EDARADD: variants seen among roughly 807,000 people sequenced by gnomAD.
EDARADD encodes the protein ectodysplasin-A receptor-associated adapter protein.
A neutral mutation model predicts 25.6 loss-of-function variants in EDARADD; 20 were observed. The ratio of observed to expected loss-of-function variants is 0.78; its 90% CI spans 0.55 to 1.14. The LOEUF (loss-of-function observed/expected upper bound fraction) is 1.14, where lower values mean the gene tolerates loss of function less well. EDARADD is among the 50% of genes most tolerant of loss of function. EDARADD has a pLI of 0.00. For synonymous variants in EDARADD, 86 were observed against 94.4 expected (o/e 0.91, Z 0.52); for missense variants, 225 against 270.1 (o/e 0.83, Z 1.17).
intron 4 of EDARADD, among the ~76,000 whole-genome samples, chr1:236,447,511 C>T (rs1028811050): frequency 5.3e-5 from 8 of 152,068 alleles, no homozygotes; most frequent in African/African-American, 1.2e-4. Context: ...CATGTCCTCC[C>T]GCCATCCTAC....
chr1:236,433,838 C>G (rs960305986), intron 4 of EDARADD, among the ~76,000 whole-genome samples: 2 of 151,634 alleles, frequency 1.3e-5, no homozygotes, highest in South Asian at 2.1e-4. Flanking sequence ...CCACTGCACT[C>G]CAGCCTAGGC....
intron 3 of EDARADD, among the ~76,000 whole-genome samples, chr1:236,361,967 AT>A (rs1233532311): frequency 6.6e-6 from 1 of 152,034 alleles, no homozygotes; most frequent in Admixed American, 6.6e-5. Context: ...TATGTTTAAC[AT>A]TTTAAGAAAT....
intron 4 of EDARADD, among the ~76,000 whole-genome samples, chr1:236,457,193 C>T (rs55861206): frequency 0.026 from 3,925 of 152,150 alleles, 118 homozygotes; most frequent in South Asian, 0.079. Context: ...GCTTTTAGAC[C>T]TAGACAAAAT....
intron 5 of EDARADD, among the ~76,000 whole-genome samples, chr1:236,475,713 G>A (rs1339305193): frequency 2.6e-5 from 4 of 151,580 alleles, no homozygotes; most frequent in Non-Finnish European, 5.9e-5. Context: ...GCAGTGAGTC[G>A]AGATCGCACC....
chr1:236,466,356 G>C (rs141370837), intron 4 of EDARADD, among the ~76,000 whole-genome samples: 3 of 151,804 alleles, frequency 2.0e-5, no homozygotes, highest in Admixed American at 2.0e-4. Context: ...ATTTCTATCC[G>C]TTCAGAGACT....
At chr1:236,438,646 C>A (rs982163184) in intron 4 of EDARADD, among the ~76,000 whole-genome samples, 2 of 152,100 alleles carry the variant, frequency 1.3e-5, no homozygotes, top group Non-Finnish European at 2.9e-5. Flanking sequence ...GCAAATCATC[C>A]GTAGTTGATT....
intron 1 of EDARADD, among the ~76,000 whole-genome samples, chr1:236,405,786 TTTCTTTTCTTTTTC>T (rs1667706649): frequency 2.3e-5 from 1 of 42,922 alleles, no homozygotes; most frequent in Non-Finnish European, 6.3e-5. Context: ...TCTTTCTTTC[TTTCTTTTCTTTTTC>T]TTTCTTTCTT....
In EDARADD at chr1:236,484,075, G is replaced by A. The variant is rs1300767291; in HGVS notation, c.*1426G>A. On this transcript the variant is annotated 3_prime_UTR_variant, in exon 6 of 6. Coordinates refer to ENST00000334232, the MANE Select transcript of EDARADD (RefSeq NM_145861.4). This position sits in a 1 kb window ranked among gnomAD's most constrained non-coding sequence, Gnocchi z 4.1. ...TTTGACCAGGATGACTGGGGAGCTT[G>A]GCAGAAGTTCACGGCCAGTGCAGGA... The A allele has an allele frequency of 8.9e-6, 14 of 1,578,494 alleles. No individual in the cohort carries two copies. The Admixed American group carries it at 2.3e-4, about 26-fold the overall frequency.
chr1:236,484,517 C>G lies in EDARADD; in HGVS notation c.*1868C>G. Reference sequence around the variant, plus strand: ...AGTCACCTGGTGGCTAATTAGACCCCTCCCCTTGTGTCAACTCCGGCAGCT... The same window carrying G: ...AGTCACCTGGTGGCTAATTAGACCCGTCCCCTTGTGTCAACTCCGGCAGCT... On this transcript the variant is annotated 3_prime_UTR_variant, in exon 6 of 6. Transcript: ENST00000334232. This position sits in a 1 kb window ranked among gnomAD's most constrained non-coding sequence, Gnocchi z 4.1. The G allele has an allele frequency of 6.7e-7, 1 of 1,489,916 alleles. No individual in the cohort carries two copies. Among genetic ancestry groups the G allele is most frequent in the Non-Finnish European group, 9.3e-7 (1 of 1,076,078 alleles). 92.3% of individuals were successfully genotyped at this position (1,489,916 alleles called of 1,614,324 possible). A position where few individuals can be genotyped will look rare whatever the true frequency, so the allele number is the denominator to read the frequency against.
At chr1:236,476,133 A>C (rs2103039212) in intron 5 of EDARADD, among the ~76,000 whole-genome samples, 1 of 152,282 alleles carries the variant, frequency 6.6e-6, no homozygotes, top group Admixed American at 6.5e-5. Flanking sequence ...CAGAGGTTGC[A>C]GTGAGACAAA....
intron 2 of EDARADD, among the ~76,000 whole-genome samples, chr1:236,410,469 A>C (rs2103008619): frequency 6.6e-6 from 1 of 152,224 alleles, no homozygotes; most frequent in East Asian, 1.9e-4. Flanking sequence ...CAACCTCCCA[A>C]GATCCTCCCA....
intron 4 of EDARADD, among the ~76,000 whole-genome samples, chr1:236,459,879 G>C (rs1300376517): frequency 6.6e-6 from 1 of 152,108 alleles, no homozygotes; most frequent in Non-Finnish European, 1.5e-5. Context: ...ATCCCAAAGT[G>C]CTGGGATTAC....
intron 4 of EDARADD, among the ~76,000 whole-genome samples, chr1:236,467,453 CACA>C (rs1659236281): frequency 6.7e-6 from 1 of 149,142 alleles, no homozygotes; most frequent in South Asian, 2.1e-4. Context: ...CACACACACA[CACA>C]TACACACACC....
At chr1:236,448,723 C>T (rs952434140) in intron 4 of EDARADD, among the ~76,000 whole-genome samples, 3 of 152,170 alleles carry the variant, frequency 2.0e-5, no homozygotes, top group South Asian at 2.1e-4. Context: ...GGCCAAGGAA[C>T]GCACATTGGG....
At chr1:236,457,992 G>A (rs1658922775) in intron 4 of EDARADD, among the ~76,000 whole-genome samples, 1 of 152,206 alleles carries the variant, frequency 6.6e-6, no homozygotes, top group Non-Finnish European at 1.5e-5. Flanking sequence ...TCATTACCAT[G>A]CAGTGCTCTG....
chr1:236,428,016 A>C (rs574648269), intron 4 of EDARADD, among the ~76,000 whole-genome samples: 9 of 150,816 alleles, frequency 6.0e-5, no homozygotes, highest in Non-Finnish European at 1.3e-4. Flanking sequence ...GGTGTTTCAC[A>C]GAGAGGGGGA....
chr1:236,409,352 A>G, intron 2 of EDARADD, 78 bp downstream of exon 2: 1 of 1,221,010 alleles, frequency 8.2e-7, no homozygotes, highest in Non-Finnish European at 1.2e-6. Flanking sequence ...CGTTTTTATT[A>G]CTCAGTATTT....
At chr1:236,459,153 C>T (rs1348772325) in intron 4 of EDARADD, among the ~76,000 whole-genome samples, 1 of 152,028 alleles carries the variant, frequency 6.6e-6, no homozygotes, top group East Asian at 1.9e-4. Context: ...CTTCCTTTTG[C>T]CCGTGTTCTA....
chr1:236,468,404 A>G, intron 5 of EDARADD, 128 bp downstream of exon 5: 1 of 905,062 alleles, frequency 1.1e-6, no homozygotes, highest in East Asian at 2.7e-5. Flanking sequence ...TGGGCGGATC[A>G]CCTGAGGTCA....
Sources: allele counts gnomAD v4.1 joint callset (sites outside exome capture counted in the v4.1 genomes callset), GRCh38; gene constraint gnomAD v4.1.1; non-coding constraint Gnocchi (gnomAD v3.1); transcripts MANE v1.5; gene names NCBI Gene and HGNC (gene_info 2026-07-23, HGNC 2026-07-21).